The following CCSER1 variants were observed in gnomAD, a reference collection of about 807,000 sequenced individuals.
The protein encoded by CCSER1 is coiled-coil serine rich protein 1.
Under a neutral mutation model 82.0 loss-of-function variants are expected in CCSER1, and 41 were observed. The ratio of observed to expected loss-of-function variants is 0.50; its 90% confidence interval spans 0.39 to 0.65. The LOEUF (loss-of-function observed/expected upper bound fraction) is 0.65, where lower values mean the gene tolerates loss of function less well. Among genes scored for constraint, CCSER1 ranks in the 30% least tolerant of loss-of-function variants. The pLI, the probability that CCSER1 is intolerant of heterozygous loss-of-function variation, is 0.00. For synonymous variants in CCSER1, 414 were observed against 383.9 expected, an observed-to-expected ratio of 1.08 and a Z score of -0.92; for missense variants, 1,119 against 1,064.2, an observed-to-expected ratio of 1.05 and a Z score of -0.72.
intron 10 of CCSER1, among the ~76,000 whole-genome samples, chr4:91,530,399 AATTT>A (rs1362845412): frequency 6.6e-6 from 1 of 152,116 alleles, no homozygotes; most frequent in Non-Finnish European, 1.5e-5. Flanking sequence ...TCTTACAGAT[AATTT>A]ATTAAAGTCA....
intron 6 of CCSER1, among the ~76,000 whole-genome samples, chr4:90,668,278 G>C (rs4693246): frequency 0.46 from 69,698 of 151,976 alleles, 16,379 homozygotes; most frequent in Middle Eastern, 0.59. Flanking sequence ...AATATACTGT[G>C]GCTTCTGTTA....
rs189278630 is a variant in CCSER1 at position 90,129,378 on chromosome 4, C to T, written c.-42+1547C>T. ...TTATAACAGGTACATGTTCCAGATA[C>T]GTAACTTGAAACTTAAAGATGCCTT... On this transcript the variant is annotated intron_variant, in intron 1 of 10. Coordinates refer to ENST00000509176, the MANE Select transcript of CCSER1 (RefSeq NM_001145065.2). Among the ~76,000 whole-genome samples, 5 of 152,264 alleles carry T rather than the reference C, an allele frequency of 3.3e-5. No individual in the cohort carries two copies. In the East Asian group the frequency reaches 7.7e-4, roughly 24 times the overall value.
chr4:90,891,328 T>C (rs939917123), intron 8 of CCSER1, among the ~76,000 whole-genome samples: 7 of 151,826 alleles, frequency 4.6e-5, no homozygotes, highest in African/African-American at 1.7e-4. Context: ...AATGTCAATG[T>C]CAAGTAAACA....
chr4:91,306,776 C>G (rs1030012103), intron 10 of CCSER1, among the ~76,000 whole-genome samples: 1 of 151,984 alleles, frequency 6.6e-6, no homozygotes, highest in African/African-American at 2.4e-5. Flanking sequence ...TTCCAAGTAA[C>G]AGAGATACAA....
intron 5 of CCSER1, among the ~76,000 whole-genome samples, chr4:90,506,823 T>C (rs1578863461): frequency 1.3e-5 from 2 of 152,138 alleles, no homozygotes; most frequent in Admixed American, 1.3e-4. Context: ...TTAAACATTG[T>C]TAAACTAAAT....
At chr4:91,395,032 T>A (rs1160607576) in intron 10 of CCSER1, among the ~76,000 whole-genome samples, 1 of 152,080 alleles carries the variant, frequency 6.6e-6, no homozygotes, top group African/African-American at 2.4e-5. Flanking sequence ...TTCGTAATAT[T>A]CTTGATCTTG....
At chr4:91,023,235 G>A (rs1740172229) in intron 9 of CCSER1, among the ~76,000 whole-genome samples, 1 of 152,066 alleles carries the variant, frequency 6.6e-6, no homozygotes, top group Non-Finnish European at 1.5e-5. Context: ...TACTGCCCAA[G>A]GTAATTTATA....
At chr4:90,789,063 G>A (rs1561138175) in intron 7 of CCSER1, among the ~76,000 whole-genome samples, 1 of 152,026 alleles carries the variant, frequency 6.6e-6, no homozygotes, top group African/African-American at 2.4e-5. Context: ...CTGTTCACAA[G>A]TTTATTGAAA....
chr4:91,206,672 C>T (rs1217439958), intron 10 of CCSER1, among the ~76,000 whole-genome samples: 1 of 151,814 alleles, frequency 6.6e-6, no homozygotes, highest in African/African-American at 2.4e-5. Context: ...GCTCCTGTTT[C>T]AGGAAGCCAC....
chr4:90,331,873 C>A (rs949861409), intron 3 of CCSER1, among the ~76,000 whole-genome samples: 3 of 151,046 alleles, frequency 2.0e-5, no homozygotes, highest in African/African-American at 7.3e-5. Flanking sequence ...TTCAGATAAT[C>A]TGTTTCCACG....
chr4:90,188,925 G>C (rs557113548), intron 1 of CCSER1, among the ~76,000 whole-genome samples: 18 of 151,980 alleles, frequency 1.2e-4, no homozygotes, highest in African/African-American at 4.3e-4. Flanking sequence ...ATTAAGCATT[G>C]GTAACTAATG....
intron 1 of CCSER1, among the ~76,000 whole-genome samples, chr4:90,279,178 C>T (rs966779998): frequency 3.9e-5 from 6 of 151,996 alleles, no homozygotes; most frequent in African/African-American, 1.2e-4. Context: ...CTATATTGGG[C>T]ATGGTGTAAT....
At chr4:90,313,185 T>C in intron 3 of CCSER1, 138 bp downstream of exon 3, 1 of 740,936 alleles carries the variant, frequency 1.3e-6, no homozygotes, top group Non-Finnish European at 2.2e-6. Context: ...ATAGTTGACA[T>C]TACAAGTCAG....
intron 10 of CCSER1, among the ~76,000 whole-genome samples, chr4:91,296,845 T>C (rs969209910): frequency 5.9e-5 from 9 of 151,610 alleles, no homozygotes; most frequent in Non-Finnish European, 1.3e-4. Context: ...AGTATGCAAG[T>C]TTATTTACTG....
chr4:90,209,171 G>GTA (rs1739479980), intron 1 of CCSER1, among the ~76,000 whole-genome samples: 1 of 152,108 alleles, frequency 6.6e-6, no homozygotes, highest in Non-Finnish European at 1.5e-5. Context: ...TCCCTTCACT[G>GTA]TATAAAGAAG....
intron 8 of CCSER1, among the ~76,000 whole-genome samples, chr4:90,893,792 T>TGGGG (rs1554038055): frequency 0.033 from 4,819 of 145,072 alleles, 118 homozygotes; most frequent in Non-Finnish European, 0.051. Context: ...TGTGTGTGTG[T>TGGGG]GGGGGGTGAA....
chr4:90,442,115 C>T (rs1268498888), intron 4 of CCSER1, among the ~76,000 whole-genome samples: 1 of 151,980 alleles, frequency 6.6e-6, no homozygotes, highest in Middle Eastern at 3.2e-3. Flanking sequence ...CAGATTTCCA[C>T]CAAAGGGGAG....
At chr4:90,908,091 A>G (rs755306191) in intron 8 of CCSER1, among the ~76,000 whole-genome samples, 17 of 152,166 alleles carry the variant, frequency 1.1e-4, no homozygotes, top group Non-Finnish European at 1.8e-4. Context: ...TCCCTGCTCT[A>G]AGGAACTTAA....
chr4:90,732,294 A>G (rs1744898427), intron 7 of CCSER1, among the ~76,000 whole-genome samples: 1 of 152,168 alleles, frequency 6.6e-6, no homozygotes, highest in Non-Finnish European at 1.5e-5. Flanking sequence ...TAGCAGTTCC[A>G]GAGTGTGTCG....
Sources: allele counts gnomAD v4.1 joint callset (sites outside exome capture counted in the v4.1 genomes callset), GRCh38; gene constraint gnomAD v4.1.1; transcripts MANE v1.5; gene names NCBI Gene and HGNC (gene_info 2026-07-23, HGNC 2026-07-21).